Variants in SLC9A4 observed in about 807,000 individuals in gnomAD.
The protein encoded by SLC9A4 is sodium/hydrogen exchanger 4.
SLC9A4 carries 63 observed loss-of-function variants against 67.4 expected under a neutral mutation model. The ratio of observed to expected loss-of-function variants is 0.93; its 90% CI spans 0.76 to 1.15. SLC9A4 has a LOEUF of 1.15. Among genes scored for constraint, SLC9A4 ranks in the 50% most tolerant of loss-of-function variants. The pLI, the probability that SLC9A4 is intolerant of heterozygous loss-of-function variation, is 0.00. For missense variants in SLC9A4, 1,089 were observed against 987.7 expected (o/e 1.10, Z -1.38); for synonymous variants, 393 against 367.2 (o/e 1.07, Z -0.80).
chr2:102,496,509 T>A (rs1033773904), intron 2 of SLC9A4, among the ~76,000 whole-genome samples: 2 of 152,228 alleles, frequency 1.3e-5, no homozygotes, highest in Admixed American at 1.3e-4. Flanking sequence ...CCTAGTTTTT[T>A]AGAAATAAAC....
intron 4 of SLC9A4, 24 bp from the exon 5 acceptor site, chr2:102,508,055 T>C: frequency 1.2e-6 from 2 of 1,609,236 alleles, no homozygotes; most frequent in Non-Finnish European, 1.7e-6. Flanking sequence ...TCCTCTGCTC[T>C]AATACACGTT....
At chr2:102,521,848 G>A (rs1238424782) in intron 9 of SLC9A4, among the ~76,000 whole-genome samples, 4 of 152,152 alleles carry the variant, frequency 2.6e-5, no homozygotes, top group Middle Eastern at 3.2e-3. Context: ...CTTGGGCGTC[G>A]GGATTTACCT....
chr2:102,497,346 G>A (rs11899385), intron 2 of SLC9A4, among the ~76,000 whole-genome samples: 1 of 152,230 alleles, frequency 6.6e-6, no homozygotes, highest in African/African-American at 2.4e-5. Flanking sequence ...GACAACATAG[G>A]TCTACAAAAA....
chr2:102,503,834 G>T, intron 3 of SLC9A4, 127 bp downstream of exon 3: 1 of 1,324,710 alleles, frequency 7.5e-7, no homozygotes, highest in Non-Finnish European at 1.0e-6. Context: ...GCAGATTTAG[G>T]ATCTTCTAAA....
chr2:102,503,783 T>C, intron 3 of SLC9A4, 76 bp downstream of exon 3: 1 of 1,543,166 alleles, frequency 6.5e-7, no homozygotes, highest in Non-Finnish European at 8.8e-7. Flanking sequence ...GCCAGGCATC[T>C]GGGAAAGACA....
chr2:102,506,179 G>A (rs1376950915), intron 4 of SLC9A4, among the ~76,000 whole-genome samples: 1 of 152,206 alleles, frequency 6.6e-6, no homozygotes, highest in African/African-American at 2.4e-5. Flanking sequence ...ACTAGTGGCT[G>A]ATGATTTATC....
At chr2:102,516,136 A>G (rs575820803) in intron 8 of SLC9A4, among the ~76,000 whole-genome samples, 41 of 152,308 alleles carry the variant, frequency 2.7e-4, no homozygotes, top group Non-Finnish European at 4.4e-5. Context: ...CATTTGCCTT[A>G]ATTTCTGATC....
chr2:102,514,166 T>C lies in SLC9A4; in HGVS notation c.1636T>C (p.Leu546=), dbSNP rs1350056990. 3 of 1,614,080 alleles carry C rather than the reference T, an allele frequency of 1.9e-6. No homozygotes were observed. The highest frequency in any genetic ancestry group is 3.3e-5 in the Admixed American group (2 of 60,014). The change falls in exon 8 of 12, where the codon TTG becomes CTG. Residue 546 remains leucine, a synonymous_variant. Transcript: ENST00000295269. ...KNLPKSSIVS[L]YKKLEMKQAI... ...CCTACCCAAATCAAGCATTGTTTCT[T>C]TGTACAAGAAGCTGGAAATGAAGCA...
At position 102,533,620 on chromosome 2, in the gene SLC9A4, T is replaced by C. The variant is rs868584977; in HGVS notation, c.*932T>C. On this transcript the variant is annotated 3_prime_UTR_variant, in exon 12 of 12. Coordinates refer to ENST00000295269, the MANE Select transcript of SLC9A4 (RefSeq NM_001011552.4). ...AACTCGTCATCTAGCATTAGGTGTA[T>C]CTCCCAATGCTATCCCTCCCCCCTC... is the stretch of plus-strand genomic sequence containing the variant. The C allele has an allele frequency of 1.7e-3, 248 of 149,372 alleles. No individual in the cohort carries two copies. The highest frequency in any genetic ancestry group is 5.6e-3 in the African/African-American group (225 of 40,468). 9.3% of individuals were successfully genotyped at this position (149,372 alleles called of 1,614,324 possible). A position where few individuals can be genotyped will look rare whatever the true frequency, so the allele number is the denominator to read the frequency against.
chr2:102,502,135 G>A (rs1684954612), intron 2 of SLC9A4, among the ~76,000 whole-genome samples: 3 of 152,122 alleles, frequency 2.0e-5, no homozygotes, highest in Non-Finnish European at 2.9e-5. Flanking sequence ...CTCTTCAGGG[G>A]CTGATATTCC....
chr2:102,525,221 T>C, intron 10 of SLC9A4, 66 bp downstream of exon 10: 1 of 1,602,484 alleles, frequency 6.2e-7, no homozygotes, highest in South Asian at 1.1e-5. Context: ...GCTGAGCCTG[T>C]TCCTGTACAG....
intron 11 of SLC9A4, among the ~76,000 whole-genome samples, chr2:102,530,549 TG>T (rs1309664805): frequency 1.3e-5 from 2 of 152,198 alleles, no homozygotes; most frequent in Non-Finnish European, 2.9e-5. Flanking sequence ...TGGAGTCCAC[TG>T]TAAAATAACC....
intron 7 of SLC9A4, 31 bp from the exon 8 acceptor site, chr2:102,514,059 A>T (rs1685222963): frequency 6.2e-7 from 1 of 1,605,838 alleles, no homozygotes; most frequent in African/African-American, 1.3e-5. Context: ...CAGACGTTCA[A>T]GATTTCCAAA....
At chr2:102,501,153 G>C (rs1236450895) in intron 2 of SLC9A4, among the ~76,000 whole-genome samples, 18 of 148,682 alleles carry the variant, frequency 1.2e-4, no homozygotes, top group Non-Finnish European at 2.2e-4. Flanking sequence ...ATGGAGTCTC[G>C]CTCTGGCACC....
intron 8 of SLC9A4, among the ~76,000 whole-genome samples, chr2:102,517,737 A>C (rs1278370862): frequency 6.6e-6 from 1 of 152,266 alleles, no homozygotes. Context: ...ATCAATATAA[A>C]AGATAAGTAA....
intron 9 of SLC9A4, among the ~76,000 whole-genome samples, chr2:102,521,345 G>T (rs1685415016): frequency 6.6e-6 from 1 of 152,108 alleles, no homozygotes; most frequent in African/African-American, 2.4e-5. Context: ...TACTCATTCT[G>T]CTTTCCAGTG....
chr2:102,508,773 T>C, intron 5 of SLC9A4, 74 bp from the exon 6 acceptor site: 1 of 1,094,710 alleles, frequency 9.1e-7, no homozygotes, highest in Non-Finnish European at 1.3e-6. Context: ...CTAATAGTTT[T>C]GTTAATAAAT....
chr2:102,503,530 C>G lies in SLC9A4; in HGVS notation c.803C>G (p.Ala268Gly), dbSNP rs1366948772. 1.9e-6 allele frequency: 3 copies of G among 1,614,120 alleles called. No homozygotes were observed. The highest frequency in any genetic ancestry group is 1.7e-4 in the Middle Eastern group (1 of 6,060). The change falls in exon 3 of 12, where the codon GCC (alanine) becomes GGC (glycine). Residue 268 changes from alanine to glycine, a missense_variant. Ala to Gly is a moderately conservative substitution (Grantham distance 60, BLOSUM62 0). Transcript: ENST00000295269. ...IETVDILAGC[A>G]RFIVVGLGGV... ...ACTGTCGACATTTTGGCTGGATGTG[C>G]CCGATTCATCGTTGTGGGGCTTGGA... is the stretch of plus-strand genomic sequence containing the variant.
intron 1 of SLC9A4, among the ~76,000 whole-genome samples, chr2:102,474,769 T>G (rs901383497): frequency 6.6e-6 from 1 of 152,232 alleles, no homozygotes; most frequent in Non-Finnish European, 1.5e-5. Context: ...TATTCTAAAG[T>G]GGAAAATTAA....
Sources: allele counts gnomAD v4.1 joint callset (sites outside exome capture counted in the v4.1 genomes callset), GRCh38; gene constraint gnomAD v4.1.1; transcripts MANE v1.5; gene names NCBI Gene and HGNC (gene_info 2026-07-23, HGNC 2026-07-21).